Variants in ANAPC16 observed in about 807,000 individuals in gnomAD.
ANAPC16 encodes the protein anaphase promoting complex subunit 16, also known as anaphase-promoting complex subunit 16.
ANAPC16 carries 6 observed loss-of-function variants against 13.1 expected under a neutral mutation model. That is an observed-to-expected ratio of 0.46 (90% CI 0.25 to 0.90). The LOEUF (loss-of-function observed/expected upper bound fraction) is 0.90, where lower values mean the gene tolerates loss of function less well. Among genes scored for constraint, ANAPC16 ranks in the 40% least tolerant of loss-of-function variants. ANAPC16 has a pLI of 0.18. For missense variants in ANAPC16, 113 were observed against 131.1 expected, an observed-to-expected ratio of 0.86 and a Z score of 0.67; for synonymous variants, 55 against 51.3, an observed-to-expected ratio of 1.07 and a Z score of -0.31.
chr10:72,233,202 C>A lies in ANAPC16; in HGVS notation c.*86C>A. On this transcript the variant is annotated 3_prime_UTR_variant, in exon 4 of 4. Coordinates refer to ENST00000299381, the MANE Select transcript of ANAPC16 (RefSeq NM_173473.4). ...ACAGCTTACATAGCCATCCAGAGAT[C>A]CACAGCTACGTCACTGAATTGTTAA... 2.0e-6 allele frequency: 2 copies of A among 980,460 alleles called. No individual in the cohort carries two copies. The highest frequency in any genetic ancestry group is 3.2e-6 in the Non-Finnish European group (2 of 630,804). 60.7% of individuals were successfully genotyped at this position (980,460 alleles called of 1,614,324 possible).
At chr10:72,225,251 C>T (rs1015340476) in intron 2 of ANAPC16, among the ~76,000 whole-genome samples, 3 of 151,984 alleles carry the variant, frequency 2.0e-5, no homozygotes, top group South Asian at 4.2e-4. Flanking sequence ...CCACTGCACT[C>T]CAGCCTGGGT....
At chr10:72,219,097 ATAGAT>A (rs1332348954) in intron 1 of ANAPC16, among the ~76,000 whole-genome samples, 3 of 152,208 alleles carry the variant, frequency 2.0e-5, no homozygotes, top group Non-Finnish European at 2.9e-5. Context: ...TGTAGGTAAA[ATAGAT>A]TAGAGTTTTA....
chr10:72,228,229 GCT>G (rs1460968408), intron 2 of ANAPC16, among the ~76,000 whole-genome samples: 2 of 152,056 alleles, frequency 1.3e-5, no homozygotes, highest in African/African-American at 4.8e-5. Flanking sequence ...TTGTGCCTCT[GCT>G]CTCTGATAAC....
intron 1 of ANAPC16, among the ~76,000 whole-genome samples, chr10:72,218,218 A>ATG (rs1564789670): frequency 2.0e-5 from 2 of 99,290 alleles, no homozygotes; most frequent in African/African-American, 7.6e-5. Context: ...ATATATATAT[A>ATG]TGCCGGAGGT....
chr10:72,222,737 A>C (rs1564791955), intron 1 of ANAPC16, among the ~76,000 whole-genome samples: 1 of 152,250 alleles, frequency 6.6e-6, no homozygotes, highest in African/African-American at 2.4e-5. Context: ...ATATCATGCC[A>C]CTGCACTCTA....
At chr10:72,222,192 G>A (rs1313988309) in intron 1 of ANAPC16, among the ~76,000 whole-genome samples, 1 of 151,396 alleles carries the variant, frequency 6.6e-6, no homozygotes, top group Non-Finnish European at 1.5e-5. Context: ...GGCCGAGGCA[G>A]GCAGATCACG....
chr10:72,227,779 C>T (rs984893994), intron 2 of ANAPC16, among the ~76,000 whole-genome samples: 1 of 151,582 alleles, frequency 6.6e-6, no homozygotes, highest in African/African-American at 2.4e-5. Flanking sequence ...GCCTGTAATC[C>T]CAGCACTTTG....
rs111722444 is a variant in ANAPC16 at position 72,224,477 on chromosome 10, G to A, written c.142+421G>A. Among the ~76,000 whole-genome samples the A allele has an allele frequency of 1.1e-3, 173 of 152,190 alleles. 3 individuals are homozygous for A. Among genetic ancestry groups the A allele is most frequent in the African/African-American group, 3.5e-3 (145 of 41,522 alleles). ...AAAATACAAAAATTAGCCGGGCATG[G>A]TGGTAGGCGCCTGTAATCCCGGCTA... On this transcript the variant is annotated intron_variant, in intron 2 of 3. Transcript: ENST00000299381.
intron 2 of ANAPC16, among the ~76,000 whole-genome samples, chr10:72,225,965 C>G (rs1860109965): frequency 6.7e-6 from 1 of 149,710 alleles, no homozygotes; most frequent in South Asian, 2.1e-4. Flanking sequence ...TTACTTGATT[C>G]TAGTATTTTA....
intron 1 of ANAPC16, chr10:72,216,878 C>T (rs1859449906): frequency 4.4e-6 from 2 of 456,074 alleles, no homozygotes; most frequent in Non-Finnish European, 8.8e-6. Flanking sequence ...CAAAATTTTA[C>T]TGGGCACCTC....
At chr10:72,218,169 T>G (rs1292081330) in intron 1 of ANAPC16, among the ~76,000 whole-genome samples, 1 of 18,126 alleles carries the variant, frequency 5.5e-5, no homozygotes, top group African/African-American at 2.2e-4. Flanking sequence ...AAAAAAAATA[T>G]ATATATATAT....
chr10:72,219,892 T>C (rs1487584387), intron 1 of ANAPC16, among the ~76,000 whole-genome samples: 2 of 152,252 alleles, frequency 1.3e-5, no homozygotes, highest in Non-Finnish European at 2.9e-5. Context: ...TCTGCTTCTC[T>C]AACAGCCTTA....
chr10:72,217,681 G>T (rs899288666), intron 1 of ANAPC16, among the ~76,000 whole-genome samples: 17 of 151,982 alleles, frequency 1.1e-4, no homozygotes, highest in African/African-American at 4.1e-4. Flanking sequence ...TAATGACTTT[G>T]AATAGCCAAG....
chr10:72,218,809 TCAG>T (rs1487184568), intron 1 of ANAPC16, among the ~76,000 whole-genome samples: 3 of 152,224 alleles, frequency 2.0e-5, no homozygotes, highest in African/African-American at 7.2e-5. Flanking sequence ...TCCTTCCACC[TCAG>T]CAGAAAACTG....
intron 2 of ANAPC16, among the ~76,000 whole-genome samples, chr10:72,225,953 A>ATT (rs1860109436): frequency 6.6e-6 from 1 of 151,892 alleles, no homozygotes; most frequent in South Asian, 2.1e-4. Flanking sequence ...AGGATTCAAA[A>ATT]TTTACTTGAT....
chr10:72,232,673 G>A (rs1220664962), intron 3 of ANAPC16, among the ~76,000 whole-genome samples: 2 of 148,532 alleles, frequency 1.3e-5, no homozygotes, highest in Middle Eastern at 3.5e-3. Context: ...GCACGATCTC[G>A]GCTCACTGCA....
chr10:72,231,066 T>C (rs1860284136), intron 3 of ANAPC16, among the ~76,000 whole-genome samples: 2 of 152,176 alleles, frequency 1.3e-5, no homozygotes, highest in Non-Finnish European at 2.9e-5. Context: ...GATAACACTT[T>C]TTCTGTTACA....
rs1860424704 is a variant in ANAPC16, at chr10:72,234,823, A to G, written c.*1707A>G. ...AAATCTCGGACTTGGAATAGATCCC[A>G]GTTGCCTGATAATTCATCTCATTAT... On this transcript the variant is annotated 3_prime_UTR_variant, in exon 4 of 4. Transcript: ENST00000299381. 1 of 152,176 alleles carries G rather than the reference A, an allele frequency of 6.6e-6. No homozygotes were observed. The highest frequency in any genetic ancestry group is 2.4e-5 in the African/African-American group (1 of 41,446). The allele number at this position is 152,176 out of a possible 1,614,324, so 9.4% of individuals were successfully genotyped here.
chr10:72,216,771 A>G (rs1415934381), intron 1 of ANAPC16: 2 of 455,608 alleles, frequency 4.4e-6, no homozygotes, highest in East Asian at 1.4e-4. Flanking sequence ...CTGTGTCCAC[A>G]AAGCATCGTT....
Sources: gnomAD v4.1 joint callset for allele counts (sites outside exome capture counted in the v4.1 genomes callset) on GRCh38, gnomAD v4.1.1 for gene constraint, MANE v1.5 for transcripts, NCBI Gene and HGNC (gene_info 2026-07-23, HGNC 2026-07-21) for gene names.